MARCO: variants seen among roughly 807,000 people sequenced by gnomAD.
MARCO encodes macrophage receptor MARCO.
A neutral mutation model predicts 70.0 loss-of-function variants in MARCO; 72 were observed. The ratio of observed to expected loss-of-function variants is 1.03; its 90% CI spans 0.85 to 1.25. The LOEUF (loss-of-function observed/expected upper bound fraction) is 1.25, where lower values mean the gene tolerates loss of function less well. Among genes scored for constraint, MARCO ranks in the 50% most tolerant of loss-of-function variants. The pLI is 0.00. For synonymous variants in MARCO, 273 were observed against 243.1 expected (o/e 1.12, Z -1.14); for missense variants, 696 against 659.3 (o/e 1.06, Z -0.61).
chr2:118,956,992 G>A (rs1278377908), intron 1 of MARCO, among the ~76,000 whole-genome samples: 1 of 151,966 alleles, frequency 6.6e-6, no homozygotes, highest in Non-Finnish European at 1.5e-5. Context: ...TACAGCTAAG[G>A]TGTTGCTAAG....
At chr2:118,991,979 T>C in intron 14 of MARCO, 104 bp downstream of exon 14, 2 of 848,072 alleles carry the variant, frequency 2.4e-6, no homozygotes, top group Middle Eastern at 2.2e-4. Context: ...CTGGGGATTT[T>C]CAGAACCCAG....
At chr2:118,975,078 C>T (rs1437241816) in intron 6 of MARCO, among the ~76,000 whole-genome samples, 1 of 152,196 alleles carries the variant, frequency 6.6e-6, no homozygotes, top group Non-Finnish European at 1.5e-5. Context: ...ATGATCGTTG[C>T]TTGGAAAGTA....
intron 1 of MARCO, among the ~76,000 whole-genome samples, chr2:118,968,160 G>A (rs1449485563): frequency 1.3e-5 from 2 of 152,192 alleles, no homozygotes; most frequent in African/African-American, 4.8e-5. Context: ...GAACTGCAGG[G>A]CCTTCTGCAG....
intron 1 of MARCO, among the ~76,000 whole-genome samples, chr2:118,965,237 G>T (rs1029405519): frequency 6.6e-6 from 1 of 152,086 alleles, no homozygotes; most frequent in Non-Finnish European, 1.5e-5. Context: ...ATGTGTGTTT[G>T]TTTGTTTTCC....
chr2:118,990,572 T>TGG lies in MARCO; in HGVS notation c.1064-17_1064-16insGG. On this transcript the variant is annotated splice_polypyrimidine_tract_variant and intron_variant, in intron 12 of 16. Coordinates refer to ENST00000327097, the MANE Select transcript of MARCO (RefSeq NM_006770.4). ...TTTATTATCTCCTCCCCCCCCCCTT[T>TGG]TTTGTTTTGATCTTAGGACTTCAAG... is the stretch of plus-strand genomic sequence containing the variant. 9.8e-7 allele frequency: 1 copy of TGG among 1,017,100 alleles called. No individual in the cohort carries two copies. The highest frequency in any genetic ancestry group is 1.5e-6 in the Non-Finnish European group (1 of 660,018). The allele number at this position is 1,017,100 out of a possible 1,614,324, so 63.0% of individuals were successfully genotyped here. A position where few individuals can be genotyped will look rare whatever the true frequency, so the allele number is the denominator to read the frequency against.
intron 5 of MARCO, 33 bp from the exon 6 acceptor site, chr2:118,974,487 TC>T (rs1680237842): frequency 6.2e-7 from 1 of 1,613,574 alleles, no homozygotes; most frequent in Non-Finnish European, 8.5e-7. Context: ...CTCCTCCTTC[TC>T]TGGCTTCACT....
Position 118,971,397 on chromosome 2 carries a change from GGAGGGCTTACC to G in MARCO, c.425-101_425-91del, listed in dbSNP as rs1362891594. The G allele has an allele frequency of 1.2e-5, 14 of 1,130,376 alleles. No homozygotes were observed. The African/African-American group carries it at 2.0e-4, about 16-fold the overall frequency. The allele number at this position is 1,130,376 out of a possible 1,614,324, so 70.0% of individuals were successfully genotyped here. ...CACAGTCTGATGGGAGCCCCACACA[GGAGGGCTTACC>G]CTCCCACTGCAGAACCTGGGCACTC... On this transcript the variant is annotated intron_variant, in intron 3 of 16. Transcript: ENST00000327097.
intron 1 of MARCO, among the ~76,000 whole-genome samples, chr2:118,955,182 A>G (rs1446395412): frequency 6.6e-6 from 1 of 152,144 alleles, no homozygotes; most frequent in African/African-American, 2.4e-5. Flanking sequence ...GTGAAGCCCA[A>G]TGCAAGGAAA....
intron 1 of MARCO, among the ~76,000 whole-genome samples, chr2:118,964,221 G>A (rs2104569087): frequency 6.6e-6 from 1 of 152,228 alleles, no homozygotes; most frequent in South Asian, 2.1e-4. Context: ...CACCACATCA[G>A]GTGGTATAAT....
intron 1 of MARCO, among the ~76,000 whole-genome samples, chr2:118,953,754 A>G (rs1228808965): frequency 6.6e-6 from 1 of 152,226 alleles, no homozygotes; most frequent in African/African-American, 2.4e-5. Context: ...CCAGCCGTGT[A>G]AGTGGAAAAG....
At chr2:118,990,977 G>A (rs560525005) in intron 13 of MARCO, among the ~76,000 whole-genome samples, 6 of 152,202 alleles carry the variant, frequency 3.9e-5, no homozygotes, top group South Asian at 2.1e-4. Context: ...CTCCATCCAC[G>A]GCTGCTGCTT....
intron 4 of MARCO, 124 bp downstream of exon 4, chr2:118,971,658 G>A: frequency 2.2e-6 from 2 of 910,368 alleles, no homozygotes; most frequent in Admixed American, 2.3e-5. Flanking sequence ...TGTCTCCACA[G>A]CCTCCTTTGT....
intron 6 of MARCO, among the ~76,000 whole-genome samples, chr2:118,977,260 T>C (rs2104589390): frequency 6.8e-6 from 1 of 148,066 alleles, no homozygotes; most frequent in South Asian, 2.5e-4. Context: ...CCAGGGACTC[T>C]GCTGGTTGTG....
intron 1 of MARCO, among the ~76,000 whole-genome samples, chr2:118,951,990 C>T (rs539457205): frequency 1.3e-5 from 2 of 152,274 alleles, no homozygotes; most frequent in East Asian, 3.9e-4. Context: ...CTCTGCTGGT[C>T]TTTCCCTGCC....
At chr2:118,983,761 A>T (rs1034040046) in intron 12 of MARCO, among the ~76,000 whole-genome samples, 1 of 151,740 alleles carries the variant, frequency 6.6e-6, no homozygotes, top group Admixed American at 6.6e-5. Context: ...TTTCATGGAG[A>T]TGATTGCTTT....
chr2:118,994,289 T>G, intron 16 of MARCO, 98 bp from the exon 17 acceptor site: 1 of 1,353,158 alleles, frequency 7.4e-7, no homozygotes, highest in South Asian at 1.2e-5. Context: ...AAGTCGGCAG[T>G]CCACCTCAGA....
intron 1 of MARCO, among the ~76,000 whole-genome samples, chr2:118,950,493 A>T (rs1573374608): frequency 1.3e-5 from 2 of 152,318 alleles, no homozygotes; most frequent in South Asian, 4.2e-4. Flanking sequence ...AGAAATCCAC[A>T]TTCTTATGCC....
At chr2:118,988,118 A>G (rs557031562) in intron 12 of MARCO, among the ~76,000 whole-genome samples, 1 of 152,298 alleles carries the variant, frequency 6.6e-6, no homozygotes, top group Admixed American at 6.5e-5. Context: ...TGAAAGATCA[A>G]ACAAGGTCAT....
intron 1 of MARCO, among the ~76,000 whole-genome samples, chr2:118,950,795 C>T (rs1238528396): frequency 9.4e-6 from 1 of 106,002 alleles, no homozygotes; most frequent in Non-Finnish European, 1.8e-5. Flanking sequence ...ATTCTCCCCT[C>T]CCCCCTTTTT....
Sources: allele counts gnomAD v4.1 joint callset (sites outside exome capture counted in the v4.1 genomes callset), GRCh38; gene constraint gnomAD v4.1.1; transcripts MANE v1.5; gene names NCBI Gene and HGNC (gene_info 2026-07-23, HGNC 2026-07-21).